LMX1A: variants seen among roughly 807,000 people sequenced by gnomAD.
LMX1A encodes LIM homeobox transcription factor 1-alpha.
In LMX1A, 15 loss-of-function variants were observed where a neutral mutation model predicts 49.1. That is an observed-to-expected ratio of 0.31 (90% CI 0.20 to 0.47). The LOEUF (loss-of-function observed/expected upper bound fraction) is 0.47, where lower values mean the gene tolerates loss of function less well. Ranked by LOEUF, LMX1A falls within the 20% of genes least tolerant of loss-of-function variation. The pLI, the probability that LMX1A is intolerant of heterozygous loss-of-function variation, is 1.00. For synonymous variants in LMX1A, 167 were observed against 185.7 expected, an observed-to-expected ratio of 0.90 and a Z score of 0.82; for missense variants, 372 against 475.8, an observed-to-expected ratio of 0.78 and a Z score of 2.03.
At chr1:165,342,170 C>G (rs1453365040) in intron 3 of LMX1A, among the ~76,000 whole-genome samples, 1 of 152,218 alleles carries the variant, frequency 6.6e-6, no homozygotes, top group Non-Finnish European at 1.5e-5. Context: ...TTTGATCCAG[C>G]TAGGCCAAGT....
At chr1:165,204,672 G>A (rs748415401) in intron 8 of LMX1A, among the ~76,000 whole-genome samples, 2 of 152,224 alleles carry the variant, frequency 1.3e-5, no homozygotes, top group African/African-American at 4.8e-5. Flanking sequence ...AATAGGAGAG[G>A]TGAAAACTGG....
In LMX1A at chr1:165,271,634, G is replaced by C. The variant is rs555393404; in HGVS notation, c.264-21994C>G. ...CCAAGAGCACAGGTCTTGGGCAGTG[G>C]CCAAGACCGAGAAGCAACAGTCACC... is the stretch of plus-strand genomic sequence containing the variant. On this transcript the variant is annotated intron_variant, in intron 3 of 8. Transcript: ENST00000342310. 1.7e-4 allele frequency among the ~76,000 whole-genome samples: 26 copies of C among 152,246 alleles called. No homozygotes were observed. The South Asian group carries it at 5.2e-3, about 30-fold the overall frequency.
intron 3 of LMX1A, among the ~76,000 whole-genome samples, chr1:165,267,038 G>T (rs1035179279): frequency 6.6e-6 from 1 of 151,290 alleles, no homozygotes; most frequent in Non-Finnish European, 1.5e-5. Flanking sequence ...ATTTCAAAGG[G>T]AACAATTCTA....
chr1:165,221,950 C>T lies in LMX1A; in HGVS notation c.497-8137G>A, dbSNP rs571822569. ...ACACACACACACACACACACGCACACGCACACACACACGCTTTCTCTCTCT... is the reference window on the plus strand; with the variant it reads ...ACACACACACACACACACACGCACATGCACACACACACGCTTTCTCTCTCT... On this transcript the variant is annotated intron_variant, in intron 4 of 8. Transcript: ENST00000342310. 5.8e-4 allele frequency among the ~76,000 whole-genome samples: 87 copies of T among 148,836 alleles called. 1 individual carries two copies. In the South Asian group the frequency reaches 0.013, roughly 22 times the overall value.
In LMX1A at chr1:165,294,399, G is replaced by A. The variant is rs376112801; in HGVS notation, c.264-44759C>T. On this transcript the variant is annotated intron_variant, in intron 3 of 8. Transcript: ENST00000342310. ...TAAATTTCAAAAGAGGTCATGCCCA[G>A]TGTGAGCCATAGTTGGAAAGTTTGG... Among the ~76,000 whole-genome samples, 88 of 152,320 alleles carry A rather than the reference G, an allele frequency of 5.8e-4. 1 individual carries two copies. In the South Asian group the frequency reaches 0.018, roughly 31 times the overall value.
chr1:165,255,286 G>A (rs1653197455), intron 3 of LMX1A, among the ~76,000 whole-genome samples: 1 of 152,150 alleles, frequency 6.6e-6, no homozygotes, highest in Non-Finnish European at 1.5e-5. Context: ...CTTTCTCCCT[G>A]CACCTCCTCT....
intron 3 of LMX1A, among the ~76,000 whole-genome samples, chr1:165,334,189 T>A (rs1025632549): frequency 2.0e-5 from 3 of 152,186 alleles, no homozygotes; most frequent in African/African-American, 7.2e-5. Flanking sequence ...GACTGCCGAC[T>A]GACCCACAAA....
chr1:165,219,094 C>A (rs1007269546), intron 4 of LMX1A: 1 of 152,134 alleles, frequency 6.6e-6, no homozygotes, highest in African/African-American at 2.4e-5. Context: ...AAAAAAAAAT[C>A]TGGAATGGTT....
chr1:165,354,535 A>AG (rs1313261611), intron 2 of LMX1A, among the ~76,000 whole-genome samples: 3 of 152,014 alleles, frequency 2.0e-5, no homozygotes, highest in South Asian at 2.1e-4. Context: ...AGTTCCCGAA[A>AG]GGGGGGTTCA....
intron 3 of LMX1A, among the ~76,000 whole-genome samples, chr1:165,267,328 C>A (rs772036036): frequency 6.6e-6 from 1 of 152,136 alleles, no homozygotes; most frequent in Non-Finnish European, 1.5e-5. Context: ...TAGCATATAT[C>A]GAGGTACATG....
At chr1:165,219,038 A>C (rs1405493195) in intron 4 of LMX1A, 1 of 152,262 alleles carries the variant, frequency 6.6e-6, no homozygotes, top group Non-Finnish European at 1.5e-5. Context: ...TGCTTGGCAC[A>C]AAGTTTGAAC....
At chr1:165,251,957 G>A (rs970654456) in intron 3 of LMX1A, among the ~76,000 whole-genome samples, 2 of 152,072 alleles carry the variant, frequency 1.3e-5, no homozygotes, top group Non-Finnish European at 2.9e-5. Context: ...GCAAAATCTT[G>A]GGCAGGTTGT....
chr1:165,334,791 C>T (rs1447643220), intron 3 of LMX1A, among the ~76,000 whole-genome samples: 1 of 152,120 alleles, frequency 6.6e-6, no homozygotes, highest in Non-Finnish European at 1.5e-5. Context: ...TTTCAGGGGC[C>T]CAAGACCAGT....
intron 4 of LMX1A, among the ~76,000 whole-genome samples, chr1:165,240,536 T>G (rs1413613689): frequency 6.6e-6 from 1 of 152,190 alleles, no homozygotes; most frequent in African/African-American, 2.4e-5. Flanking sequence ...TTTCTGCAAC[T>G]AAAACATAGC....
rs554634306 is a variant in LMX1A at position 165,249,330 on chromosome 1, G to A, written c.496+78C>T. 1.5e-5 allele frequency: 15 copies of A among 1,002,374 alleles called. No homozygotes were observed. In the African/African-American group the frequency reaches 2.2e-4, roughly 15 times the overall value. The allele number at this position is 1,002,374 out of a possible 1,614,324, so 62.1% of individuals were successfully genotyped here. A position where few individuals can be genotyped will look rare whatever the true frequency, so the allele number is the denominator to read the frequency against. ...GGCTGCCCTGGAGGCTGGCCATCTA[G>A]GGAAGAAACAATGCAGACAGCCACC... is the stretch of plus-strand genomic sequence containing the variant. On this transcript the variant is annotated intron_variant, in intron 4 of 8. Coordinates refer to ENST00000342310, the MANE Select transcript of LMX1A (RefSeq NM_177398.4).
At chr1:165,259,319 T>C (rs1653353864) in intron 3 of LMX1A, among the ~76,000 whole-genome samples, 2 of 152,204 alleles carry the variant, frequency 1.3e-5, no homozygotes, top group Non-Finnish European at 1.5e-5. Context: ...AAGGTCAATA[T>C]TGACACTGGC....
intron 3 of LMX1A, among the ~76,000 whole-genome samples, chr1:165,282,154 C>A (rs545878633): frequency 5.9e-5 from 9 of 152,320 alleles, no homozygotes; most frequent in African/African-American, 1.9e-4. Flanking sequence ...ATCCATTCAG[C>A]CTCATGGTTT....
At chr1:165,263,743 C>CA (rs1312659469) in intron 3 of LMX1A, among the ~76,000 whole-genome samples, 1 of 152,158 alleles carries the variant, frequency 6.6e-6, no homozygotes, top group Non-Finnish European at 1.5e-5. Flanking sequence ...GACAAGAAAA[C>CA]AAAGACTTAT....
chr1:165,331,557 A>G (rs1296661124), intron 3 of LMX1A, among the ~76,000 whole-genome samples: 1 of 152,242 alleles, frequency 6.6e-6, no homozygotes, highest in Non-Finnish European at 1.5e-5. Flanking sequence ...GCTTAATGGC[A>G]GATTGGAAAT....
Sources: allele counts gnomAD v4.1 joint callset (sites outside exome capture counted in the v4.1 genomes callset), GRCh38; gene constraint gnomAD v4.1.1; transcripts MANE v1.5; gene names NCBI Gene and HGNC (gene_info 2026-07-23, HGNC 2026-07-21).